OR2L13: variants seen among roughly 807,000 people sequenced by gnomAD.
OR2L13 encodes olfactory receptor family 2 subfamily L member 13, also known as olfactory receptor 2L13.
OR2L13 carries 14 observed loss-of-function variants against 15.3 expected under a neutral mutation model. The observed-to-expected ratio is 0.91, with a 90% CI of 0.60 to 1.43. The LOEUF (loss-of-function observed/expected upper bound fraction) is 1.43. Among genes scored for constraint, OR2L13 ranks in the 40% most tolerant of loss-of-function variants. The probability of loss-of-function intolerance (pLI) is 0.00; values close to 1 mark genes in which losing one functional copy is unlikely to be tolerated. For missense variants in OR2L13, 367 were observed against 387.9 expected, an observed-to-expected ratio of 0.95 and a Z score of 0.45; for synonymous variants, 152 against 142.9, an observed-to-expected ratio of 1.06 and a Z score of -0.45.
the OR2L13 span, among the ~76,000 whole-genome samples, chr1:247,950,253 C>CTA: frequency 1.3e-5 from 2 of 151,984 alleles, no homozygotes; most frequent in African/African-American, 2.4e-5. Flanking sequence ...CTTAACGTAC[C>CTA]AGTTACTCTT....
the OR2L13 span, among the ~76,000 whole-genome samples, chr1:248,025,677 T>C: frequency 6.8e-6 from 1 of 147,778 alleles, no homozygotes; most frequent in Admixed American, 6.6e-5. Context: ...CTATTCACAA[T>C]AGCAAAGACT....
the OR2L13 span, among the ~76,000 whole-genome samples, chr1:247,971,231 C>A: frequency 6.6e-6 from 1 of 151,606 alleles, no homozygotes; most frequent in African/African-American, 2.4e-5. Context: ...TTTTTTTAGT[C>A]TGAATCTTTT....
the OR2L13 span, among the ~76,000 whole-genome samples, chr1:247,977,601 C>G: frequency 6.6e-6 from 1 of 152,116 alleles, no homozygotes; most frequent in Non-Finnish European, 1.5e-5. Flanking sequence ...AAAGCATAAA[C>G]TTTTAGTAGA....
At chr1:247,993,204 C>G in the OR2L13 span, among the ~76,000 whole-genome samples, 1 of 152,058 alleles carries the variant, frequency 6.6e-6, no homozygotes, top group African/African-American at 2.4e-5. Flanking sequence ...GTTCATGTAA[C>G]TTCTGCATTT....
the OR2L13 span, chr1:248,051,367 A>G: frequency 6.6e-6 from 1 of 152,194 alleles, no homozygotes. Flanking sequence ...TTGTATATAC[A>G]TACTATATTT....
chr1:248,070,664 TC>T, the OR2L13 span, among the ~76,000 whole-genome samples: 1 of 151,876 alleles, frequency 6.6e-6, no homozygotes, highest in Non-Finnish European at 1.5e-5. Flanking sequence ...AAAAAACCCT[TC>T]AAAAAATTAA....
the OR2L13 span, chr1:248,021,828 T>A: frequency 1.4e-6 from 1 of 695,716 alleles, no homozygotes; most frequent in Non-Finnish European, 2.5e-6. Context: ...GGGTTCAGTG[T>A]CAACTGCAAT....
upstream of OR2L13, among the ~76,000 whole-genome samples, chr1:248,095,801 G>T (rs112754780): frequency 1.3e-5 from 2 of 149,788 alleles, no homozygotes; most frequent in Non-Finnish European, 3.0e-5. Context: ...GAGATGGGGT[G>T]TCACCATATT....
At chr1:248,042,176 T>C in the OR2L13 span, 1 of 152,082 alleles carries the variant, frequency 6.6e-6, no homozygotes, top group East Asian at 1.9e-4. Flanking sequence ...TATGCAGCCA[T>C]AAAAGATGAT....
chr1:248,053,176 C>A, the OR2L13 span, among the ~76,000 whole-genome samples: 1 of 152,154 alleles, frequency 6.6e-6, no homozygotes, highest in African/African-American at 2.4e-5. Context: ...CATTGTTCAG[C>A]TCCCACTTAT....
the OR2L13 span, among the ~76,000 whole-genome samples, chr1:248,077,877 A>C: frequency 1.3e-5 from 2 of 152,292 alleles, no homozygotes; most frequent in South Asian, 2.1e-4. Context: ...CACAAATGAA[A>C]TATATGTCAA....
the OR2L13 span, among the ~76,000 whole-genome samples, chr1:248,048,773 A>T: frequency 6.6e-6 from 1 of 152,122 alleles, no homozygotes; most frequent in Non-Finnish European, 1.5e-5. Context: ...GCTTCAGAAG[A>T]CAGGAAGTAA....
the OR2L13 span, among the ~76,000 whole-genome samples, chr1:247,954,528 A>G: frequency 6.6e-6 from 1 of 152,082 alleles, no homozygotes; most frequent in Non-Finnish European, 1.5e-5. Flanking sequence ...CTTACTTTTC[A>G]TAGGGTTTTC....
At chr1:248,060,621 C>A in the OR2L13 span, 2 of 1,382,356 alleles carry the variant, frequency 1.4e-6, no homozygotes, top group Non-Finnish European at 2.0e-6. Context: ...CAGATAAAGA[C>A]GAATTTCTGT....
chr1:248,083,490 C>T, the OR2L13 span: 1 of 692,494 alleles, frequency 1.4e-6, no homozygotes, highest in Non-Finnish European at 2.5e-6. Flanking sequence ...TCTCTCAATA[C>T]AATTAGCTCA....
At chr1:248,096,814 G>A (rs372482761), upstream of OR2L13, among the ~76,000 whole-genome samples, 3 of 152,158 alleles carry the variant, frequency 2.0e-5, no homozygotes, top group African/African-American at 7.2e-5. Context: ...TTTCAGCAAC[G>A]TATCTTTTAG....
At chr1:248,049,612 G>A in the OR2L13 span, among the ~76,000 whole-genome samples, 1 of 152,016 alleles carries the variant, frequency 6.6e-6, no homozygotes, top group African/African-American at 2.4e-5. Context: ...AGTAAAACTG[G>A]GTGATACGAG....
chr1:248,060,030 C>A, the OR2L13 span, among the ~76,000 whole-genome samples: 2 of 144,916 alleles, frequency 1.4e-5, no homozygotes. Context: ...CAGAGAGAGA[C>A]CCTGTCACTC....
exon 3 of OR2L13, chr1:248,099,500 C>T (rs1329429437): frequency 3.1e-6 from 5 of 1,613,544 alleles, no homozygotes; most frequent in East Asian, 4.5e-5. Flanking sequence ...GTGGGTAACT[C>T]GGCCATGATT....
Sources: allele counts gnomAD v4.1 joint callset (sites outside exome capture counted in the v4.1 genomes callset), GRCh38; gene constraint gnomAD v4.1.1; transcripts MANE v1.5; gene names NCBI Gene and HGNC (gene_info 2026-07-23, HGNC 2026-07-21).